The following RASAL1 variants were observed in gnomAD, a reference collection of about 807,000 sequenced individuals.
The protein encoded by RASAL1 is RAS protein activator like 1.
RASAL1 carries 72 observed loss-of-function variants against 96.6 expected under a neutral mutation model. The ratio of observed to expected loss-of-function variants is 0.75; its 90% CI spans 0.62 to 0.91. The LOEUF (loss-of-function observed/expected upper bound fraction) is 0.91, where lower values mean the gene tolerates loss of function less well. Among genes scored for constraint, RASAL1 ranks in the 40% least tolerant of loss-of-function variants. RASAL1 has a pLI of 0.00. For missense variants in RASAL1, 1,016 were observed against 1,072.5 expected (o/e 0.95, Z 0.74); for synonymous variants, 405 against 430.4 (o/e 0.94, Z 0.73).
At chr12:113,136,224 G>A (rs1287191406), upstream of RASAL1, 2 of 152,150 alleles carry the variant, frequency 1.3e-5, no homozygotes, top group Non-Finnish European at 2.9e-5. Context: ...TCTCGTTCTA[G>A]TTTCCAGTTA....
Position 113,108,171 on chromosome 12 carries a change from G to T in RASAL1, c.1426C>A (p.Pro476Thr). 5.0e-6 allele frequency: 8 copies of T among 1,613,698 alleles called. No homozygotes were observed. Among genetic ancestry groups the T allele is most frequent in the Non-Finnish European group, 6.8e-6 (8 of 1,179,840 alleles). ...AACAGCTTTGGGGTAAGGATGGCAGGTGCGAAGAATCGCAAGAAGAGAAAT... is the reference window on the plus strand; with the variant it reads ...AACAGCTTTGGGGTAAGGATGGCAGTTGCGAAGAATCGCAAGAAGAGAAAT... ...SGFLFLRFFA[P>T]AILTPKLFDL... The change falls in exon 14 of 21, where the codon CCT becomes ACT. Residue 476 changes from proline (P) to threonine (T), a missense_variant. Coordinates refer to ENST00000548055, the MANE Select transcript of RASAL1 (RefSeq NM_001301202.2).
rs374813048 is a variant in RASAL1 at position 113,100,024 on chromosome 12, G to A, written c.2323C>T (p.Arg775Cys). Residue 775 changes from arginine to cysteine, a missense_variant, in exon 21 of 21, where the codon CGC becomes TGC. Coordinates refer to ENST00000548055, the MANE Select transcript of RASAL1 (RefSeq NM_001301202.2). ...AGGTCTGCGAGCACCTCCAGCAGGC[G>A]GGCAGTTGCTGCTCTTTGCCGGGCC... ...VLARQRAATA[R>C]LLEVLADLDR... 7.6e-5 allele frequency: 122 copies of A among 1,613,254 alleles called. 1 individual carries two copies. Among genetic ancestry groups the A allele is most frequent in the Non-Finnish European group, 9.7e-5 (115 of 1,179,556 alleles).
At chr12:113,116,841 A>G (rs967166851) in intron 8 of RASAL1, among the ~76,000 whole-genome samples, 9 of 152,266 alleles carry the variant, frequency 5.9e-5, no homozygotes, top group African/African-American at 2.2e-4. Flanking sequence ...TTCTAAATAT[A>G]CATCAAGTGT....
Position 113,129,363 on chromosome 12 carries a change from T to C in RASAL1, c.123-1185A>G, listed in dbSNP as rs1453782939. 6.6e-6 allele frequency among the ~76,000 whole-genome samples: 1 copy of C among 151,794 alleles called. No homozygotes were observed. Among genetic ancestry groups the C allele is most frequent in the Non-Finnish European group, 1.5e-5 (1 of 67,940 alleles). ...GGCCCTGTAGCAGGAATGAGTTTCG[T>C]GAGCTGAAGGAATAGGAAGGTGCCT... is the stretch of plus-strand genomic sequence containing the variant. On this transcript the variant is annotated intron_variant, in intron 2 of 20. Transcript: ENST00000548055. The surrounding 1 kb of genome is among the most constrained non-coding windows in gnomAD (Gnocchi z 5.0).
Position 113,115,806 on chromosome 12 carries a change from A to T in RASAL1, c.850-18T>A. The T allele has an allele frequency of 6.2e-7, 1 of 1,613,494 alleles. No individual in the cohort carries two copies. Among genetic ancestry groups the T allele is most frequent in the South Asian group, 1.1e-5 (1 of 91,056 alleles). ...GTGTCCTCCTGGGTGGGGGCGGGAG[A>T]CAAAGATGACCTCGGCCCCTGGGAC... On this transcript the variant is annotated intron_variant, in intron 9 of 20. Transcript: ENST00000548055. The surrounding 1 kb of genome is among the most constrained non-coding windows in gnomAD (Gnocchi z 4.1).
chr12:113,111,936 C>G lies in RASAL1; in HGVS notation c.1374+150G>C, dbSNP rs1019313782. 2.4e-5 allele frequency: 16 copies of G among 661,734 alleles called. No homozygotes were observed. In the African/African-American group the frequency reaches 2.8e-4, roughly 12 times the overall value. 41.0% of individuals were successfully genotyped at this position (661,734 alleles called of 1,614,324 possible). On this transcript the variant is annotated intron_variant, in intron 13 of 20. Transcript: ENST00000548055. ...TTACTATCATTCTTGGGACCCGGAC[C>G]CTGCCAGGAACGCTGTCCCCACTTC...
At position 113,117,133 on chromosome 12, in the gene RASAL1, T is replaced by G. The variant is rs571305833; in HGVS notation, c.671A>C (p.Gln224Pro). 2 of 1,608,836 alleles carry G rather than the reference T, an allele frequency of 1.2e-6. No individual in the cohort carries two copies. Among genetic ancestry groups the G allele is most frequent in the African/African-American group, 2.7e-5 (2 of 74,790 alleles). The change falls in exon 8 of 21, where the codon CAG becomes CCG. Residue 224 changes from glutamine (Q) to proline (P), a missense_variant. Coordinates refer to ENST00000548055, the MANE Select transcript of RASAL1 (RefSeq NM_001301202.2). ...MVEFSPKTLQ[Q>P]KPPKGWFRLL... ...GCGGAACCAGCCTTTAGGTGGCTTC[T>G]GCTGGAGGGTCTTTGGAGAGAACTC...
intron 13 of RASAL1, among the ~76,000 whole-genome samples, chr12:113,110,399 T>A (rs1950824309): frequency 6.6e-6 from 1 of 152,142 alleles, no homozygotes; most frequent in African/African-American, 2.4e-5. Flanking sequence ...AGGTCTTAGG[T>A]CTTTCTGCAA....
chr12:113,134,972 C>T (rs1286673506), intron 1 of RASAL1, among the ~76,000 whole-genome samples: 1 of 152,126 alleles, frequency 6.6e-6, no homozygotes, highest in Non-Finnish European at 1.5e-5. Context: ...AGGCCCTCTC[C>T]AAGGGTCCTC....
At position 113,107,224 on chromosome 12, in the gene RASAL1, T is replaced by C. The variant is rs755264850; in HGVS notation, c.1530A>G (p.Gly510=). ...CTTGGCCCAGCTGCTGGCCCAGGTT[T>C]CCAATGCTCTGCACAGCCTGGAGCA... is the stretch of plus-strand genomic sequence containing the variant. The part of the protein sequence containing the change: ...LLLAKAVQSI[G]NLGQQLGQGK... Residue 510 remains glycine (G), a synonymous_variant, in exon 15 of 21, where the codon GGA becomes GGG. Coordinates refer to ENST00000548055, the MANE Select transcript of RASAL1 (RefSeq NM_001301202.2). The C allele has an allele frequency of 1.9e-6, 3 of 1,610,042 alleles. No individual in the cohort carries two copies. The South Asian group carries it at 3.3e-5, about 18-fold the overall frequency.
In RASAL1 at chr12:113,129,468, G is replaced by A. The variant is rs1374478662; in HGVS notation, c.123-1290C>T. ...AGCACTCGGGGCTTTGAAGCACACA[G>A]TGAGCAGGAGGAAGGCACAGGAAGG... On this transcript the variant is annotated intron_variant, in intron 2 of 20. Coordinates refer to ENST00000548055, the MANE Select transcript of RASAL1 (RefSeq NM_001301202.2). The surrounding 1 kb of genome is among the most constrained non-coding windows in gnomAD (Gnocchi z 5.0). Among the ~76,000 whole-genome samples, 1 of 152,176 alleles carries A rather than the reference G, an allele frequency of 6.6e-6. No homozygotes were observed. Among genetic ancestry groups the A allele is most frequent in the Admixed American group, 6.5e-5 (1 of 15,284 alleles).
In RASAL1 at chr12:113,128,053, C is replaced by G. The variant is rs752733094; in HGVS notation, c.236+12G>C. The stretch of plus-strand genomic sequence containing the variant: ...CCCTAACCCACACATTCCACTTTCC[C>G]CAACCACAAACCCGACAGTGTCCTC... On this transcript the variant is annotated intron_variant, in intron 3 of 20. Coordinates refer to ENST00000548055, the MANE Select transcript of RASAL1 (RefSeq NM_001301202.2). 1 of 1,613,112 alleles carries G rather than the reference C, an allele frequency of 6.2e-7. No homozygotes were observed. Among genetic ancestry groups the G allele is most frequent in the South Asian group, 1.1e-5 (1 of 91,050 alleles).
Position 113,105,807 on chromosome 12 carries a change from C to A in RASAL1, c.1737G>T (p.Glu579Asp), listed in dbSNP as rs1227793506. 1.2e-6 allele frequency: 2 copies of A among 1,614,052 alleles called. No individual in the cohort carries two copies. The highest frequency in any genetic ancestry group is 1.7e-6 in the Non-Finnish European group (2 of 1,180,024). ...CAAAGCGCGTGGCCAGGCCGGCAGG[C>A]TCCTCCTTGCGCTTCAGCAGATAGC... ...REGYLLKRKEEPAGLATRFAF... is the reference protein window; with the variant it reads ...REGYLLKRKEDPAGLATRFAF... The change falls in exon 16 of 21, where the codon GAG becomes GAT. Residue 579 changes from glutamate to aspartate, a missense_variant. Physicochemically the swap from Glu to Asp is conservative, Grantham distance 45. Transcript: ENST00000548055.
Position 113,135,221 on chromosome 12 carries a change from G to A in RASAL1, c.65+177C>T, listed in dbSNP as rs542191028. Among the ~76,000 whole-genome samples, 1 of 151,996 alleles carries A rather than the reference G, an allele frequency of 6.6e-6. No homozygotes were observed. The highest frequency in any genetic ancestry group is 2.1e-4 in the South Asian group (1 of 4,812). ...TAACTCTAGGCGCCCCCCTCCCACC[G>A]GGACAGCCATGGGCATGCGGCCTCT... is the stretch of plus-strand genomic sequence containing the variant. On this transcript the variant is annotated intron_variant, in intron 1 of 20. Coordinates refer to ENST00000548055, the MANE Select transcript of RASAL1 (RefSeq NM_001301202.2). This position sits in a 1 kb window ranked among gnomAD's most constrained non-coding sequence, Gnocchi z 5.7.
At chr12:113,104,808 C>T (rs2136109179) in intron 16 of RASAL1, among the ~76,000 whole-genome samples, 1 of 152,312 alleles carries the variant, frequency 6.6e-6, no homozygotes, top group East Asian at 1.9e-4. Context: ...AGCCACCTCT[C>T]TAAGTGACAA....
At position 113,127,796 on chromosome 12, in the gene RASAL1, C is replaced by A; in HGVS notation, c.298+16G>T. ...GGCATGGCCCCCTCCTCCCTCTGCCCATGTCCCTCGCCCACCTCGGGGGTC... is the reference window on the plus strand; with the variant it reads ...GGCATGGCCCCCTCCTCCCTCTGCCAATGTCCCTCGCCCACCTCGGGGGTC... On this transcript the variant is annotated intron_variant, in intron 4 of 20. Coordinates refer to ENST00000548055, the MANE Select transcript of RASAL1 (RefSeq NM_001301202.2). 2 of 1,606,448 alleles carry A rather than the reference C, an allele frequency of 1.2e-6. No individual in the cohort carries two copies. Among genetic ancestry groups the A allele is most frequent in the Non-Finnish European group, 8.5e-7 (1 of 1,174,102 alleles).
Position 113,130,570 on chromosome 12 carries a change from G to A in RASAL1, c.122+315C>T. Among the ~76,000 whole-genome samples the A allele has an allele frequency of 6.6e-6, 1 of 152,174 alleles. No individual in the cohort carries two copies. Among genetic ancestry groups the A allele is most frequent in the East Asian group, 1.9e-4 (1 of 5,180 alleles). Reference sequence around the variant, plus strand: ...ACATCCCCAGTGCCCGCAGCACCCGGCAGGCCCGGAACCAACCAGTCCAGC... The same window carrying A: ...ACATCCCCAGTGCCCGCAGCACCCGACAGGCCCGGAACCAACCAGTCCAGC... On this transcript the variant is annotated intron_variant, in intron 2 of 20. Transcript: ENST00000548055. This position sits in a 1 kb window ranked among gnomAD's most constrained non-coding sequence, Gnocchi z 5.1.
intron 14 of RASAL1, chr12:113,107,704 C>A: frequency 2.5e-6 from 1 of 396,144 alleles, no homozygotes; most frequent in South Asian, 2.1e-5. Context: ...GGAATCTGCA[C>A]TCCCCACTAA....
upstream of RASAL1, chr12:113,136,262 G>T: frequency 6.6e-6 from 1 of 152,308 alleles, no homozygotes; most frequent in Non-Finnish European, 1.5e-5. Context: ...CTGCTCTAAC[G>T]TCACGGGCTG....
Sources: gnomAD v4.1 joint callset for allele counts (sites outside exome capture counted in the v4.1 genomes callset) on GRCh38, gnomAD v4.1.1 for gene constraint, Gnocchi (gnomAD v3.1) non-coding constraint, MANE v1.5 for transcripts, NCBI Gene and HGNC (gene_info 2026-07-23, HGNC 2026-07-21) for gene names.